Variants in VOPP1 observed in about 807,000 individuals in gnomAD.
VOPP1 encodes VOPP1 WW domain binding protein.
In VOPP1, 8 loss-of-function variants were observed where a neutral mutation model predicts 23.5. The ratio of observed to expected loss-of-function variants is 0.34; its 90% CI spans 0.20 to 0.61. VOPP1 has a LOEUF of 0.61. Among genes scored for constraint, VOPP1 ranks in the 20% least tolerant of loss-of-function variants. The pLI is 0.78. For missense variants in VOPP1, 174 were observed against 238.1 expected, an observed-to-expected ratio of 0.73 and a Z score of 1.77; for synonymous variants, 83 against 97.3, an observed-to-expected ratio of 0.85 and a Z score of 0.86.
intron 4 of VOPP1, among the ~76,000 whole-genome samples, chr7:55,462,655 A>ATTTTTT (rs1191796338): frequency 8.2e-6 from 1 of 122,612 alleles, no homozygotes; most frequent in Non-Finnish European, 1.7e-5. Context: ...TCTTGATTAT[A>ATTTTTT]TTTTTTTTTT....
At chr7:55,511,598 A>T (rs1795075045) in intron 2 of VOPP1, among the ~76,000 whole-genome samples, 1 of 152,156 alleles carries the variant, frequency 6.6e-6, no homozygotes, top group South Asian at 2.1e-4. Flanking sequence ...CTCCCATTCC[A>T]TTCAAAGTCA....
At chr7:55,543,915 T>C (rs1797249136) in intron 1 of VOPP1, among the ~76,000 whole-genome samples, 1 of 152,244 alleles carries the variant, frequency 6.6e-6, no homozygotes, top group Non-Finnish European at 1.5e-5. Flanking sequence ...TTTAGCTTGA[T>C]GTAATCGTAT....
chr7:55,537,477 C>T, intron 1 of VOPP1: 1 of 1,536,100 alleles, frequency 6.5e-7, no homozygotes, highest in African/African-American at 1.4e-5. Flanking sequence ...TCACAGCAAA[C>T]TGAACCACCA....
intron 1 of VOPP1, among the ~76,000 whole-genome samples, chr7:55,523,677 C>G (rs1796008038): frequency 6.6e-6 from 1 of 152,190 alleles, no homozygotes; most frequent in Non-Finnish European, 1.5e-5. Context: ...TACATTTCTC[C>G]TTTTTATAAA....
chr7:55,557,232 C>T (rs1797840106), intron 1 of VOPP1, among the ~76,000 whole-genome samples: 1 of 152,036 alleles, frequency 6.6e-6, no homozygotes, highest in African/African-American at 2.4e-5. Flanking sequence ...TTGAGAAAGC[C>T]CCAGTCTCCT....
chr7:55,491,525 A>C (rs1793567233), intron 4 of VOPP1, among the ~76,000 whole-genome samples: 1 of 152,170 alleles, frequency 6.6e-6, no homozygotes, highest in African/African-American at 2.4e-5. Flanking sequence ...CCAGAAGACC[A>C]GCGCTCTGAT....
chr7:55,541,040 C>A (rs1002653759), intron 1 of VOPP1, among the ~76,000 whole-genome samples: 1 of 152,152 alleles, frequency 6.6e-6, no homozygotes, highest in Non-Finnish European at 1.5e-5. Flanking sequence ...AAAATACTTG[C>A]CCATTATCTA....
intron 1 of VOPP1, chr7:55,537,622 G>A: frequency 6.5e-7 from 1 of 1,533,110 alleles, no homozygotes; most frequent in Non-Finnish European, 8.7e-7. Flanking sequence ...CTCCAATACG[G>A]AGCACACATA....
intron 1 of VOPP1, among the ~76,000 whole-genome samples, chr7:55,563,011 C>T (rs1394717201): frequency 1.3e-5 from 2 of 152,188 alleles, no homozygotes; most frequent in Admixed American, 6.5e-5. Flanking sequence ...GAAATATCCT[C>T]GTCCATCTCA....
chr7:55,484,145 G>A (rs1292458014), intron 4 of VOPP1, among the ~76,000 whole-genome samples: 1 of 152,140 alleles, frequency 6.6e-6, no homozygotes, highest in Non-Finnish European at 1.5e-5. Context: ...GCCATGTTTT[G>A]TTTTTGTTTC....
intron 1 of VOPP1, among the ~76,000 whole-genome samples, chr7:55,570,766 A>C (rs1798322473): frequency 6.6e-6 from 1 of 151,836 alleles, no homozygotes; most frequent in African/African-American, 2.4e-5. Context: ...ACATGACGAA[A>C]CCCCGACTCT....
At chr7:55,477,323 G>A (rs1006058205) in intron 4 of VOPP1, among the ~76,000 whole-genome samples, 8 of 152,258 alleles carry the variant, frequency 5.3e-5, no homozygotes, top group African/African-American at 1.9e-4. Flanking sequence ...GCATGTGGCA[G>A]ACGTTCCATA....
intron 4 of VOPP1, among the ~76,000 whole-genome samples, chr7:55,477,367 G>A (rs745625153): frequency 1.3e-5 from 2 of 152,240 alleles, no homozygotes; most frequent in Non-Finnish European, 2.9e-5. Context: ...GGGGGGACGA[G>A]TGGCGACTTG....
In VOPP1 at chr7:55,471,738, T is replaced by C. The variant is rs1240642905; in HGVS notation, c.*1117A>G. On this transcript the variant is annotated 3_prime_UTR_variant, in exon 5 of 5. Transcript: ENST00000285279. ...CTTCTTTATTCTAATTATGACAACA[T>C]GGTCAGTGCAGTTGAGTCAGTACTT... is the stretch of plus-strand genomic sequence containing the variant. 6.6e-6 allele frequency: 1 copy of C among 151,886 alleles called. No individual in the cohort carries two copies. The highest frequency in any genetic ancestry group is 2.4e-5 in the African/African-American group (1 of 41,288). The allele number at this position is 151,886 out of a possible 1,614,324, so 9.4% of individuals were successfully genotyped here.
intron 4 of VOPP1, among the ~76,000 whole-genome samples, chr7:55,450,184 G>A (rs1308040620): frequency 3.9e-5 from 6 of 152,184 alleles, no homozygotes; most frequent in African/African-American, 1.4e-4. Context: ...ACTTGTGGCT[G>A]GGGGCACATT....
chr7:55,487,025 G>A (rs116921619), intron 4 of VOPP1, among the ~76,000 whole-genome samples: 1,751 of 152,306 alleles, frequency 0.011, 12 homozygotes, highest in Middle Eastern at 0.02. Context: ...ATCCCCGCAC[G>A]TCAGAAGCAC....
chr7:55,495,955 CCCA>C (rs1363436836), intron 3 of VOPP1, among the ~76,000 whole-genome samples: 1 of 152,206 alleles, frequency 6.6e-6, no homozygotes, highest in East Asian at 1.9e-4. Context: ...CCAAATGGGG[CCCA>C]CCAAGTCGTC....
At chr7:55,535,214 T>C (rs1796715042) in intron 1 of VOPP1, among the ~76,000 whole-genome samples, 1 of 152,250 alleles carries the variant, frequency 6.6e-6, no homozygotes, top group South Asian at 2.1e-4. Context: ...CACCAACTCC[T>C]GCTAGAAAAT....
At chr7:55,440,504 G>A (rs1206521002) in intron 4 of VOPP1, among the ~76,000 whole-genome samples, 1 of 152,232 alleles carries the variant, frequency 6.6e-6, no homozygotes, top group East Asian at 1.9e-4. Flanking sequence ...CATGGGATCT[G>A]GGGCCACGCT....
Sources: gnomAD v4.1 joint callset for allele counts (sites outside exome capture counted in the v4.1 genomes callset) on GRCh38, gnomAD v4.1.1 for gene constraint, MANE v1.5 for transcripts, NCBI Gene and HGNC (gene_info 2026-07-23, HGNC 2026-07-21) for gene names.